Variants in EIF2D observed in about 807,000 individuals in gnomAD.
EIF2D encodes the protein eukaryotic translation initiation factor 2D.
EIF2D carries 56 observed loss-of-function variants against 77.4 expected under a neutral mutation model. The ratio of observed to expected loss-of-function variants is 0.72; its 90% CI spans 0.58 to 0.90. The LOEUF is 0.90. EIF2D is among the 40% of genes least tolerant of loss of function. The probability of loss-of-function intolerance (pLI) is 0.00; values close to 1 mark genes in which losing one functional copy is unlikely to be tolerated. For synonymous variants in EIF2D, 230 were observed against 271.0 expected (o/e 0.85, Z 1.49); for missense variants, 574 against 706.5 (o/e 0.81, Z 2.13).
chr1:206,600,137 G>T (rs1195169112), intron 8 of EIF2D, 126 bp downstream of exon 8: 4 of 959,828 alleles, frequency 4.2e-6, no homozygotes, highest in Non-Finnish European at 6.3e-6. Flanking sequence ...CCTTATACTT[G>T]GAGTCAAAAA....
downstream of EIF2D, chr1:206,589,588 C>T (rs911784520): frequency 1.3e-5 from 2 of 152,144 alleles, no homozygotes; most frequent in Non-Finnish European, 2.9e-5. Flanking sequence ...GGTGATTTGA[C>T]ACCAGGACAG....
intron 6 of EIF2D, 78 bp downstream of exon 6, chr1:206,602,873 G>A: frequency 6.4e-7 from 1 of 1,558,302 alleles, no homozygotes. Context: ...GGCCATTCTA[G>A]TCAGCAGTGG....
chr1:206,570,777 C>T (rs1668426290), downstream of EIF2D, among the ~76,000 whole-genome samples: 1 of 152,140 alleles, frequency 6.6e-6, no homozygotes, highest in African/African-American at 2.4e-5. Context: ...ATGGACACAA[C>T]ACATTTTTTG....
Position 206,602,317 on chromosome 1 carries a change from A to G in EIF2D, c.902+19T>C. On this transcript the variant is annotated intron_variant, in intron 7 of 14. Coordinates refer to ENST00000271764, the MANE Select transcript of EIF2D (RefSeq NM_006893.3). ...AGACCCCGGCCCCGGCCTCCAGCCC[A>G]CATCAGTGCTTTCCATACCAGCAGG... 6.2e-7 allele frequency: 1 copy of G among 1,607,964 alleles called. No homozygotes were observed. Among genetic ancestry groups the G allele is most frequent in the Non-Finnish European group, 8.5e-7 (1 of 1,174,432 alleles).
intron 4 of EIF2D, among the ~76,000 whole-genome samples, chr1:206,577,254 A>C: frequency 6.6e-6 from 1 of 152,192 alleles, no homozygotes; most frequent in East Asian, 1.9e-4. Flanking sequence ...AAAGTTTGCC[A>C]ACCACTGGTG....
chr1:206,601,999 G>A (rs1414380224), intron 7 of EIF2D: 1 of 231,898 alleles, frequency 4.3e-6, no homozygotes, highest in Non-Finnish European at 8.5e-6. Context: ...GCTGCCCTGG[G>A]ACACTTCCTG....
At chr1:206,586,900 A>G (rs1029613389), downstream of EIF2D, 1 of 1,614,230 alleles carries the variant, frequency 6.2e-7, no homozygotes, top group East Asian at 2.2e-5. Flanking sequence ...ACAAAATCCA[A>G]CAAGTGCAAA....
At position 206,593,509 on chromosome 1, in the gene EIF2D, G is replaced by GTGTGTGTGCA; in HGVS notation, c.1684+109_1684+110insTGCACACACA. ...AGAGCGAGAGAGAGAGAGAGAGAGAGTGTGTGTGTGTGTGTGTGTGTGTGT... is the reference window on the plus strand; with the variant it reads ...AGAGCGAGAGAGAGAGAGAGAGAGAGTGTGTGTGCATGTGTGTGTGTGTGTGTGTGTGTGT... On this transcript the variant is annotated intron_variant, in intron 14 of 14. Coordinates refer to ENST00000271764, the MANE Select transcript of EIF2D (RefSeq NM_006893.3). 1.9e-5 allele frequency: 6 copies of GTGTGTGTGCA among 320,406 alleles called. No homozygotes were observed. The Admixed American group carries it at 3.8e-4, about 20-fold the overall frequency. 19.8% of individuals were successfully genotyped at this position (320,406 alleles called of 1,614,324 possible).
At chr1:206,582,729 CTA>C (rs1668943128) in intron 2 of EIF2D, among the ~76,000 whole-genome samples, 2 of 152,198 alleles carry the variant, frequency 1.3e-5, no homozygotes, top group South Asian at 4.1e-4. Context: ...GGACTGGTCT[CTA>C]TGTGTCCTTG....
intron 2 of EIF2D, among the ~76,000 whole-genome samples, chr1:206,581,636 GGAGA>G (rs1241313149): frequency 1.3e-5 from 2 of 150,634 alleles, no homozygotes; most frequent in African/African-American, 2.4e-5. Flanking sequence ...GAGAGAGGGG[GGAGA>G]GAGAGAGAGA....
chr1:206,592,191 C>T lies in EIF2D; in HGVS notation c.1685-346G>A, dbSNP rs1669372316. Reference sequence around the variant, plus strand: ...TCTAGAAGTTAACTGTCAGGTACTGCCATAGGCCATGGAATACATTTGCCT... The same window carrying T: ...TCTAGAAGTTAACTGTCAGGTACTGTCATAGGCCATGGAATACATTTGCCT... On this transcript the variant is annotated intron_variant, in intron 14 of 14. Transcript: ENST00000271764. The surrounding 1 kb of genome is among the most constrained non-coding windows in gnomAD (Gnocchi z 4.7). Among the ~76,000 whole-genome samples, 1 of 152,228 alleles carries T rather than the reference C, an allele frequency of 6.6e-6. No homozygotes were observed. Among genetic ancestry groups the T allele is most frequent in the Non-Finnish European group, 1.5e-5 (1 of 68,042 alleles).
chr1:206,583,841 A>G (rs762368093), intron 2 of EIF2D: 9 of 183,444 alleles, frequency 4.9e-5, no homozygotes, highest in Non-Finnish European at 1.0e-4. Context: ...GGGAGAAGGT[A>G]GAAAAACACT....
chr1:206,592,137 A>G lies in EIF2D; in HGVS notation c.1685-292T>C, dbSNP rs1553409081. ...ATAACATTTCTTCTCAGTACCTTGT[A>G]TGGGGTTCTTCACATAAAGAGGCTC... On this transcript the variant is annotated intron_variant, in intron 14 of 14. Transcript: ENST00000271764. This position sits in a 1 kb window ranked among gnomAD's most constrained non-coding sequence, Gnocchi z 4.7. 6.6e-6 allele frequency among the ~76,000 whole-genome samples: 1 copy of G among 152,170 alleles called. No individual in the cohort carries two copies.
intron 2 of EIF2D, among the ~76,000 whole-genome samples, chr1:206,583,937 G>A (rs1372348555): frequency 6.6e-6 from 1 of 152,204 alleles, no homozygotes; most frequent in Non-Finnish European, 1.5e-5. Flanking sequence ...ATGCACCTAG[G>A]TTTAAGTCTT....
At chr1:206,604,452 A>G (rs549823250) in intron 5 of EIF2D, among the ~76,000 whole-genome samples, 1 of 147,634 alleles carries the variant, frequency 6.8e-6, no homozygotes, top group East Asian at 2.0e-4. Context: ...TCAAAAAAAA[A>G]GGCTGGGCGC....
chr1:206,586,696 A>G (rs1669128836), downstream of EIF2D: 1 of 739,302 alleles, frequency 1.4e-6, no homozygotes, highest in South Asian at 1.7e-5. Flanking sequence ...CAGTCTGTTC[A>G]GTAGCAAACT....
chr1:206,610,586 C>T (rs1049953585), intron 2 of EIF2D, among the ~76,000 whole-genome samples: 6 of 151,886 alleles, frequency 4.0e-5, no homozygotes, highest in African/African-American at 1.5e-4. Flanking sequence ...TTTGGGAGGC[C>T]GAGGCGGGCG....
chr1:206,609,389 C>G lies in EIF2D; in HGVS notation c.318G>C (p.Leu106=), dbSNP rs782003136. 87 of 1,614,088 alleles carry G rather than the reference C, an allele frequency of 5.4e-5. No homozygotes were observed. Among genetic ancestry groups the G allele is most frequent in the Non-Finnish European group, 6.6e-5 (78 of 1,180,024 alleles). The part of the protein sequence containing the change: ...FTTWPLVLEK[L]VGGADLMLPG... ...GAATCCTCTTACCTGCTCCCCCTAC[C>G]AGTTTCTCGAGCACCAGAGGCCATG... Residue 106 remains leucine, a synonymous_variant, in exon 3 of 15, where the codon CTG becomes CTC. Coordinates refer to ENST00000271764, the MANE Select transcript of EIF2D (RefSeq NM_006893.3).
intron 2 of EIF2D, among the ~76,000 whole-genome samples, chr1:206,581,825 C>T (rs185522634): frequency 1.7e-4 from 26 of 151,900 alleles, no homozygotes; most frequent in African/African-American, 6.0e-4. Flanking sequence ...TTCAGGGTGG[C>T]GTGTCTCCCA....
Sources: allele counts gnomAD v4.1 joint callset (sites outside exome capture counted in the v4.1 genomes callset), GRCh38; gene constraint gnomAD v4.1.1; non-coding constraint Gnocchi (gnomAD v3.1); transcripts MANE v1.5; gene names NCBI Gene and HGNC (gene_info 2026-07-23, HGNC 2026-07-21).